ATP2B3: variants seen among roughly 807,000 people sequenced by gnomAD.
ATP2B3 encodes the protein ATPase plasma membrane Ca2+ transporting 3, also known as plasma membrane calcium-transporting ATPase 3.
ATP2B3 carries 12 observed loss-of-function variants against 70.8 expected under a neutral mutation model. That is an observed-to-expected ratio of 0.17 (90% CI 0.11 to 0.27). ATP2B3 has a LOEUF of 0.27. Among genes scored for constraint, ATP2B3 ranks in the 10% least tolerant of loss-of-function variants. The probability of loss-of-function intolerance (pLI) is 1.00; values close to 1 mark genes in which losing one functional copy is unlikely to be tolerated. For missense variants in ATP2B3, 858 were observed against 1,118.5 expected (o/e 0.77, Z 3.32); for synonymous variants, 460 against 497.8 (o/e 0.92, Z 1.01).
intron 2 of ATP2B3, among the ~76,000 whole-genome samples, chrX:153,522,899 T>C (rs1294999317): frequency 9.0e-6 from 1 of 110,612 alleles, no homozygotes; most frequent in Non-Finnish European, 1.9e-5. Flanking sequence ...ACGTGGGTTT[T>C]TTTTTTTTTA....
intron 21 of ATP2B3, chrX:153,574,649 T>G: frequency 3.8e-6 from 1 of 266,590 alleles, no homozygotes. Context: ...ATTGTTCTCT[T>G]TTCCTTTCCT....
intron 20 of ATP2B3, among the ~76,000 whole-genome samples, chrX:153,563,606 G>A (rs73247604): frequency 0.062 from 6,942 of 111,163 alleles, 220 homozygotes; most frequent in African/African-American, 0.11. Flanking sequence ...CCTCACCTCC[G>A]AATCACACTT....
chrX:153,526,901 G>A (rs1317384378), intron 2 of ATP2B3, among the ~76,000 whole-genome samples: 2 of 112,066 alleles, frequency 1.8e-5, no homozygotes, highest in East Asian at 5.6e-4. Flanking sequence ...ACTTTGGCCT[G>A]CTTCCAGAAA....
chrX:153,527,986 C>A (rs1454523656), intron 2 of ATP2B3, among the ~76,000 whole-genome samples: 1 of 112,697 alleles, frequency 8.9e-6, no homozygotes, highest in Non-Finnish European at 1.9e-5. Flanking sequence ...GCAGGTGGAG[C>A]CCTGCCTTCT....
intron 2 of ATP2B3, among the ~76,000 whole-genome samples, chrX:153,525,765 C>A (rs1556999551): frequency 8.9e-6 from 1 of 112,981 alleles, no homozygotes; most frequent in Non-Finnish European, 1.9e-5. Flanking sequence ...CTAGTCTCAT[C>A]TCTCCCTCCT....
intron 19 of ATP2B3, among the ~76,000 whole-genome samples, chrX:153,561,579 G>A (rs781942352): frequency 3.6e-5 from 4 of 111,302 alleles, no homozygotes; most frequent in Non-Finnish European, 5.7e-5. Context: ...GAGCAGGTGA[G>A]GCAGGGCTGG....
In ATP2B3 at chrX:153,550,257, C is replaced by T. The variant is rs965726657; in HGVS notation, c.1794C>T (p.Ser598=). The change falls in exon 12 of 22, where the codon AGC becomes AGT. Residue 598 remains serine (S), a synonymous_variant. Transcript: ENST00000263519. ...CCGACGGTGGCTTCCGCCTCTTCAG[C>T]AAGGGGGCCTCAGAGATCCTCTTGA... The part of the protein sequence containing the change: ...RMPDGGFRLF[S]KGASEILLKK... The T allele has an allele frequency of 2.5e-6, 3 of 1,211,261 alleles. No individual in the cohort carries two copies. The highest frequency in any genetic ancestry group is 2.2e-5 in the Admixed American group (1 of 45,971).
chrX:153,531,923 G>A (rs530573193), intron 2 of ATP2B3, among the ~76,000 whole-genome samples: 1 of 112,173 alleles, frequency 8.9e-6, no homozygotes, highest in Admixed American at 9.4e-5. Context: ...CCCTCCATCT[G>A]TTCTCTCCTC....
intron 6 of ATP2B3, among the ~76,000 whole-genome samples, chrX:153,542,699 C>T (rs1428307938): frequency 1.8e-5 from 2 of 113,409 alleles, no homozygotes; most frequent in African/African-American, 3.2e-5. Flanking sequence ...AAGCCCCAAG[C>T]GGAGAGGCTT....
chrX:153,574,889 G>A (rs1557020915), intron 21 of ATP2B3: 1 of 328,995 alleles, frequency 3.0e-6, no homozygotes, highest in East Asian at 9.8e-5. Flanking sequence ...GCCAGGGATG[G>A]GCCTTGTCAG....
chrX:153,553,008 C>T (rs2090480225), intron 12 of ATP2B3, 27 bp from the exon 13 acceptor site: 2 of 1,166,458 alleles, frequency 1.7e-6, no homozygotes, highest in African/African-American at 1.8e-5. Flanking sequence ...CCCACCTCCA[C>T]CTCATCTCTG....
At chrX:153,569,757 GTGAGTCT>G (rs781856238) in intron 21 of ATP2B3, 1 of 1,208,140 alleles carries the variant, frequency 8.3e-7, no homozygotes, top group Non-Finnish European at 1.1e-6. Context: ...GCTGCTGGGA[GTGAGTCT>G]TGACTTCCCT....
At chrX:153,537,824 CCT>C (rs2090215606) in intron 3 of ATP2B3, among the ~76,000 whole-genome samples, 1 of 112,746 alleles carries the variant, frequency 8.9e-6, no homozygotes, top group Non-Finnish European at 1.9e-5. Flanking sequence ...CTGCTCTTCC[CCT>C]GTCTGCCAGG....
intron 21 of ATP2B3, among the ~76,000 whole-genome samples, chrX:153,579,320 A>G (rs782178728): frequency 8.9e-6 from 1 of 112,819 alleles, no homozygotes; most frequent in African/African-American, 3.2e-5. Flanking sequence ...AGAAGTGGCC[A>G]GTGGAGTTAG....
In ATP2B3 at chrX:153,553,792, A is replaced by G. The variant is rs188567759; in HGVS notation, c.2058+523A>G. Among the ~76,000 whole-genome samples the G allele has an allele frequency of 7.9e-5, 9 of 113,432 alleles. No homozygotes were observed. In the Admixed American group the frequency reaches 8.3e-4, roughly 10 times the overall value. On this transcript the variant is annotated intron_variant, in intron 13 of 21. Coordinates refer to ENST00000263519, the MANE Select transcript of ATP2B3 (RefSeq NM_001001344.3). ...CCTCGAGGGCCGCGTGGCAGATGCC[A>G]TGGCCTTGACACTGGGAAGTCACTT...
chrX:153,532,733 C>A (rs1603031811), intron 2 of ATP2B3, among the ~76,000 whole-genome samples: 5 of 112,221 alleles, frequency 4.5e-5, no homozygotes, highest in African/African-American at 1.3e-4. Context: ...ATGTTCCCTG[C>A]CCTTTTGGTG....
intron 8 of ATP2B3, 116 bp from the exon 9 acceptor site, chrX:153,547,719 C>T: frequency 5.6e-6 from 5 of 891,381 alleles, no homozygotes; most frequent in Non-Finnish European, 7.5e-6. Context: ...AGGAGAGCTC[C>T]ACTGAATCCC....
intron 18 of ATP2B3, among the ~76,000 whole-genome samples, chrX:153,560,369 G>A (rs2090606388): frequency 8.9e-6 from 1 of 111,754 alleles, no homozygotes; most frequent in African/African-American, 3.3e-5. Context: ...GTGGGTGGGG[G>A]GTGACCGCAA....
intron 20 of ATP2B3, among the ~76,000 whole-genome samples, chrX:153,564,178 C>G (rs782564951): frequency 1.1e-4 from 12 of 113,141 alleles, no homozygotes; most frequent in African/African-American, 3.8e-4. Context: ...CCAGGAGATG[C>G]CCTCTCCAGG....
Sources: allele counts gnomAD v4.1 joint callset (sites outside exome capture counted in the v4.1 genomes callset), GRCh38; gene constraint gnomAD v4.1.1; transcripts MANE v1.5; gene names NCBI Gene and HGNC (gene_info 2026-07-23, HGNC 2026-07-21).